The following EYS variants were observed in gnomAD, a reference collection of about 807,000 sequenced individuals.
EYS encodes protein eyes shut homolog.
Under a neutral mutation model 282.1 loss-of-function variants are expected in EYS, and 250 were observed. The ratio of observed to expected loss-of-function variants is 0.89; its 90% CI spans 0.80 to 0.98. The LOEUF (loss-of-function observed/expected upper bound fraction) is 0.98, where lower values mean the gene tolerates loss of function less well. Ranked by LOEUF, EYS falls within the 50% of genes least tolerant of loss-of-function variation. The pLI is 0.00. For synonymous variants in EYS, 1,355 were observed against 1,282.9 expected (o/e 1.06, Z -1.20); for missense variants, 4,016 against 3,709.0 (o/e 1.08, Z -2.15).
chr6:65,425,882 G>A (rs1767640776), intron 5 of EYS, among the ~76,000 whole-genome samples: 1 of 152,060 alleles, frequency 6.6e-6, no homozygotes, highest in African/African-American at 2.4e-5. Flanking sequence ...GAAATTTTAG[G>A]TGTTTTTCAG....
chr6:64,070,134 CA>C (rs1437354409), intron 32 of EYS, among the ~76,000 whole-genome samples: 5 of 151,904 alleles, frequency 3.3e-5, no homozygotes, highest in Non-Finnish European at 7.4e-5. Context: ...ACAAACTGGA[CA>C]AATGGCAGTT....
chr6:64,203,048 G>T (rs1765510556), intron 31 of EYS, among the ~76,000 whole-genome samples: 1 of 152,200 alleles, frequency 6.6e-6, no homozygotes, highest in Non-Finnish European at 1.5e-5. Flanking sequence ...AGACCTGAGA[G>T]ATATAAGGTG....
intron 19 of EYS, among the ~76,000 whole-genome samples, chr6:64,864,606 G>A (rs1051196909): frequency 6.1e-5 from 9 of 147,646 alleles, no homozygotes; most frequent in Admixed American, 4.1e-4. Flanking sequence ...CGATAGTCTC[G>A]ATCTCCTGAC....
chr6:65,110,395 A>G (rs1775180119), intron 12 of EYS, among the ~76,000 whole-genome samples: 2 of 152,160 alleles, frequency 1.3e-5, no homozygotes, highest in Admixed American at 6.6e-5. Context: ...AACACTTTTA[A>G]AATGGTTATT....
At chr6:64,470,763 T>A (rs1776100213) in intron 26 of EYS, among the ~76,000 whole-genome samples, 1 of 152,104 alleles carries the variant, frequency 6.6e-6, no homozygotes, top group African/African-American at 2.4e-5. Flanking sequence ...ATAAGTCTTT[T>A]ATGCTAACAC....
chr6:64,833,917 A>T (rs1765300153), intron 19 of EYS, among the ~76,000 whole-genome samples: 1 of 151,950 alleles, frequency 6.6e-6, no homozygotes, highest in African/African-American at 2.4e-5. Context: ...CTTATTTCTG[A>T]CAACTCTACC....
At position 64,593,185 on chromosome 6, in the gene EYS, A is replaced by G; in HGVS notation, c.3809T>C (p.Val1270Ala). Residue 1270 changes from valine to alanine, a missense_variant, in exon 25 of 43, where the codon GTC becomes GCC. Transcript: ENST00000503581. ...TYTIPPSETL[V>A]SSFPSIKATR... ...AGCCTTTATAGATGGAAAGCTGCTG[A>G]CCAAAGTCTCAGAAGGGGGAATTGT... 6.5e-7 allele frequency: 1 copy of G among 1,550,018 alleles called. No homozygotes were observed. Among genetic ancestry groups the G allele is most frequent in the Non-Finnish European group, 8.7e-7 (1 of 1,146,188 alleles).
intron 8 of EYS, among the ~76,000 whole-genome samples, chr6:65,355,754 C>T (rs568268377): frequency 2.6e-5 from 4 of 152,052 alleles, no homozygotes; most frequent in South Asian, 4.2e-4. Context: ...TCATCAGAGA[C>T]ATGCAAATTA....
At chr6:63,796,499 G>C (rs1770648260) in intron 37 of EYS, among the ~76,000 whole-genome samples, 1 of 152,078 alleles carries the variant, frequency 6.6e-6, no homozygotes, top group South Asian at 2.1e-4. Flanking sequence ...AATTCCAATA[G>C]ATTAAATTTC....
intron 12 of EYS, among the ~76,000 whole-genome samples, chr6:65,236,455 C>CA (rs1028040068): frequency 3.6e-4 from 55 of 151,968 alleles, no homozygotes; most frequent in African/African-American, 1.2e-3. Flanking sequence ...AGTGAAAATA[C>CA]AAAAAATTAG....
intron 19 of EYS, among the ~76,000 whole-genome samples, chr6:64,840,328 T>C (rs866391313): frequency 7.9e-5 from 12 of 152,188 alleles, no homozygotes; most frequent in Non-Finnish European, 1.6e-4. Context: ...CCATAAAAAG[T>C]GAAATAATAA....
intron 12 of EYS, among the ~76,000 whole-genome samples, chr6:65,202,818 C>T (rs1765936166): frequency 6.6e-6 from 1 of 152,114 alleles, no homozygotes; most frequent in Non-Finnish European, 1.5e-5. Context: ...GAGGGAGACT[C>T]ACCAATAAGA....
chr6:64,837,715 C>A (rs1310710433), intron 19 of EYS, among the ~76,000 whole-genome samples: 2 of 145,056 alleles, frequency 1.4e-5, no homozygotes, highest in African/African-American at 5.0e-5. Context: ...CCTAAAGAGT[C>A]CACCAAAAAA....
intron 5 of EYS, among the ~76,000 whole-genome samples, chr6:65,436,875 T>A (rs1040638282): frequency 6.6e-6 from 1 of 152,092 alleles, no homozygotes; most frequent in Non-Finnish European, 1.5e-5. Flanking sequence ...AAAAATAATT[T>A]ACAAATTCAG....
Position 64,313,345 on chromosome 6 carries a change from A to C in EYS, c.6079-6263T>G, listed in dbSNP as rs192751560. Reference sequence around the variant, plus strand: ...ACAAGATTAGAGAAAAAAGAGTGAAAAGAAATGAACAAAGTCTCCAAGAAA... The same window carrying C: ...ACAAGATTAGAGAAAAAAGAGTGAACAGAAATGAACAAAGTCTCCAAGAAA... On this transcript the variant is annotated intron_variant, in intron 29 of 42. Coordinates refer to ENST00000503581, the MANE Select transcript of EYS (RefSeq NM_001142800.2). Among the ~76,000 whole-genome samples the C allele has an allele frequency of 2.2e-3, 216 of 98,260 alleles. 2 individuals are homozygous for C. Among genetic ancestry groups the C allele is most frequent in the Non-Finnish European group, 1.1e-3 (45 of 39,736 alleles). The allele number at this position is 98,260 out of a possible 152,430, so 64.5% of individuals were successfully genotyped here. A position where few individuals can be genotyped will look rare whatever the true frequency, so the allele number is the denominator to read the frequency against.
At chr6:64,174,148 A>G (rs898282219) in intron 31 of EYS, among the ~76,000 whole-genome samples, 1 of 152,126 alleles carries the variant, frequency 6.6e-6, no homozygotes, top group Non-Finnish European at 1.5e-5. Context: ...ATCCTTATCA[A>G]TAAGTTCATA....
At chr6:64,380,217 CTTAA>C (rs1441476812) in intron 29 of EYS, among the ~76,000 whole-genome samples, 1 of 151,996 alleles carries the variant, frequency 6.6e-6, no homozygotes, top group Admixed American at 6.6e-5. Context: ...ATGAAGCATG[CTTAA>C]TAACTATATG....
chr6:64,538,283 A>T (rs1764591372), intron 26 of EYS, among the ~76,000 whole-genome samples: 1 of 152,188 alleles, frequency 6.6e-6, no homozygotes, highest in South Asian at 2.1e-4. Context: ...ATTAGTTCAT[A>T]ATTCATTAGG....
chr6:64,158,273 G>A (rs1329459071), intron 31 of EYS, among the ~76,000 whole-genome samples: 5 of 152,128 alleles, frequency 3.3e-5, no homozygotes, highest in Non-Finnish European at 5.9e-5. Context: ...AAATTGATTA[G>A]TTGTAGGCAT....
Sources: gnomAD v4.1 joint callset for allele counts (sites outside exome capture counted in the v4.1 genomes callset) on GRCh38, gnomAD v4.1.1 for gene constraint, MANE v1.5 for transcripts, NCBI Gene and HGNC (gene_info 2026-07-23, HGNC 2026-07-21) for gene names.